KLF12: variants seen among roughly 807,000 people sequenced by gnomAD.
The protein encoded by KLF12 is KLF transcription factor 12.
Under a neutral mutation model 37.8 loss-of-function variants are expected in KLF12, and 9 were observed. The ratio of observed to expected loss-of-function variants is 0.24; its 90% CI spans 0.14 to 0.42. The LOEUF is 0.42. KLF12 is among the 10% of genes least tolerant of loss of function. KLF12 has a pLI of 1.00. For synonymous variants in KLF12, 208 were observed against 202.1 expected, an observed-to-expected ratio of 1.03 and a Z score of -0.25; for missense variants, 411 against 516.0, an observed-to-expected ratio of 0.80 and a Z score of 1.97.
At chr13:74,224,116 A>C in the KLF12 span, among the ~76,000 whole-genome samples, 1 of 152,174 alleles carries the variant, frequency 6.6e-6, no homozygotes, top group African/African-American at 2.4e-5. Flanking sequence ...CATAAGGATG[A>C]TATCATGTTT....
intron 2 of KLF12, among the ~76,000 whole-genome samples, chr13:73,978,703 A>G (rs766945664): frequency 6.6e-6 from 1 of 152,204 alleles, no homozygotes; most frequent in African/African-American, 2.4e-5. Context: ...ATATATATCT[A>G]CACAAAAATA....
chr13:73,772,014 G>A (rs777056747), intron 5 of KLF12, among the ~76,000 whole-genome samples: 20 of 152,166 alleles, frequency 1.3e-4, no homozygotes, highest in Admixed American at 3.3e-4. Context: ...AAGTATTTGC[G>A]GGAGACAAGC....
intron 1 of KLF12, among the ~76,000 whole-genome samples, chr13:74,074,414 C>T (rs914721971): frequency 6.6e-6 from 1 of 152,138 alleles, no homozygotes; most frequent in East Asian, 1.9e-4. Context: ...GGACAGCCTT[C>T]TCTAACTTAA....
chr13:73,969,028 T>C (rs1372568463), intron 2 of KLF12, among the ~76,000 whole-genome samples: 1 of 36,770 alleles, frequency 2.7e-5, no homozygotes, highest in African/African-American at 7.2e-5. Flanking sequence ...ACCCCATACT[T>C]TAAAAAAAAA....
chr13:74,043,956 C>A (rs1177536155), intron 1 of KLF12, among the ~76,000 whole-genome samples: 1 of 152,184 alleles, frequency 6.6e-6, no homozygotes, highest in Non-Finnish European at 1.5e-5. Context: ...TTCTTTAATA[C>A]ATAATATTTC....
chr13:74,239,096 C>G, the KLF12 span, among the ~76,000 whole-genome samples: 23 of 144,586 alleles, frequency 1.6e-4, no homozygotes, highest in South Asian at 7.3e-4. Flanking sequence ...AAATTTCCCT[C>G]TACACACTGC....
chr13:73,802,544 G>A (rs1481406479), intron 5 of KLF12, among the ~76,000 whole-genome samples: 2 of 152,106 alleles, frequency 1.3e-5, no homozygotes, highest in African/African-American at 4.8e-5. Context: ...GTGATGCTGA[G>A]GTTTGGGGTA....
chr13:73,872,324 A>T (rs1886510947), intron 3 of KLF12, among the ~76,000 whole-genome samples: 1 of 152,226 alleles, frequency 6.6e-6, no homozygotes, highest in Non-Finnish European at 1.5e-5. Context: ...AATCCCTTTC[A>T]ATATGAATAT....
chr13:73,943,772 T>G (rs1430235220), intron 3 of KLF12, among the ~76,000 whole-genome samples: 1 of 152,224 alleles, frequency 6.6e-6, no homozygotes, highest in Non-Finnish European at 1.5e-5. Flanking sequence ...TTCCAAATTT[T>G]AGGATACTAT....
chr13:74,158,567 A>C, the KLF12 span, among the ~76,000 whole-genome samples: 4 of 152,086 alleles, frequency 2.6e-5, no homozygotes, highest in African/African-American at 9.7e-5. Context: ...GATCAAAACA[A>C]GTGAGTCCCA....
At chr13:74,006,616 C>T (rs1190252770) in intron 1 of KLF12, among the ~76,000 whole-genome samples, 1 of 152,224 alleles carries the variant, frequency 6.6e-6, no homozygotes, top group East Asian at 1.9e-4. Context: ...GGGAAGGAGA[C>T]AGCAGCACTT....
chr13:74,108,668 G>A (rs986943259), intron 1 of KLF12, among the ~76,000 whole-genome samples: 2 of 152,180 alleles, frequency 1.3e-5, no homozygotes, highest in Admixed American at 6.5e-5. Context: ...TGTATGTTAC[G>A]TGTATTAAAC....
At chr13:74,076,328 GT>G (rs1874559569) in intron 1 of KLF12, among the ~76,000 whole-genome samples, 1 of 152,172 alleles carries the variant, frequency 6.6e-6, no homozygotes, top group Non-Finnish European at 1.5e-5. Context: ...AATTTATAAA[GT>G]AGAGAAATTT....
At chr13:74,076,275 T>C (rs1410223958) in intron 1 of KLF12, among the ~76,000 whole-genome samples, 1 of 152,230 alleles carries the variant, frequency 6.6e-6, no homozygotes, top group Non-Finnish European at 1.5e-5. Context: ...TTTGTGCTGC[T>C]ATGATAAAAT....
chr13:74,296,431 A>G, the KLF12 span, among the ~76,000 whole-genome samples: 3 of 152,150 alleles, frequency 2.0e-5, no homozygotes, highest in African/African-American at 7.2e-5. Flanking sequence ...AGTGTGGGTT[A>G]GTGTCTTTAT....
At chr13:73,805,060 G>A (rs1882484986) in intron 5 of KLF12, among the ~76,000 whole-genome samples, 1 of 152,148 alleles carries the variant, frequency 6.6e-6, no homozygotes, top group Non-Finnish European at 1.5e-5. Flanking sequence ...ACATTCTCAA[G>A]TTTTTCCATC....
At chr13:74,149,408 A>C in the KLF12 span, among the ~76,000 whole-genome samples, 7 of 152,232 alleles carry the variant, frequency 4.6e-5, no homozygotes, top group East Asian at 1.2e-3. Flanking sequence ...CCTTCTTTTC[A>C]TCCACTGTTA....
the KLF12 span, among the ~76,000 whole-genome samples, chr13:74,177,088 C>A: frequency 6.6e-6 from 1 of 152,032 alleles, no homozygotes; most frequent in African/African-American, 2.4e-5. Flanking sequence ...GGTCAGCTAC[C>A]GGAAACCTAA....
chr13:73,771,452 C>T (rs1880265403), intron 5 of KLF12, among the ~76,000 whole-genome samples: 1 of 152,152 alleles, frequency 6.6e-6, no homozygotes, highest in Admixed American at 6.5e-5. Context: ...ACATTGTTCA[C>T]ATATAATAAA....
Sources: gnomAD v4.1 joint callset for allele counts (sites outside exome capture counted in the v4.1 genomes callset) on GRCh38, gnomAD v4.1.1 for gene constraint, MANE v1.5 for transcripts, NCBI Gene and HGNC (gene_info 2026-07-23, HGNC 2026-07-21) for gene names.